Variants in ATG16L1 observed in about 807,000 individuals in gnomAD.
ATG16L1 encodes autophagy related 16 like 1.
Under a neutral mutation model 88.5 loss-of-function variants are expected in ATG16L1, and 37 were observed. The observed-to-expected ratio is 0.42, with a 90% CI of 0.32 to 0.55. The LOEUF is 0.55. ATG16L1 is among the 20% of genes least tolerant of loss of function. The pLI, the probability that ATG16L1 is intolerant of heterozygous loss-of-function variation, is 0.13. For synonymous variants in ATG16L1, 301 were observed against 281.0 expected (o/e 1.07, Z -0.71); for missense variants, 554 against 752.8 (o/e 0.74, Z 3.09).
intron 1 of ATG16L1, among the ~76,000 whole-genome samples, chr2:233,253,743 T>C (rs182013009): frequency 1.5e-4 from 23 of 152,282 alleles, no homozygotes; most frequent in Admixed American, 1.5e-3. Flanking sequence ...ACTGCACCCA[T>C]TGTTTTAACA....
rs1034020701 is a variant in ATG16L1, at chr2:233,264,872, C to T, written c.390-20C>T. On this transcript the variant is annotated intron_variant, in intron 4 of 17. Coordinates refer to ENST00000392017, the MANE Select transcript of ATG16L1 (RefSeq NM_030803.7). ...GGGCTCTGGCGAGGTACTATTCGTC[C>T]TCTGATGTCATGCTTCCAGAATTGC... 2 of 1,613,172 alleles carry T rather than the reference C, an allele frequency of 1.2e-6. No homozygotes were observed. Among genetic ancestry groups the T allele is most frequent in the Non-Finnish European group, 1.7e-6 (2 of 1,179,818 alleles).
At chr2:233,290,768 A>G (rs116150491) in intron 14 of ATG16L1, among the ~76,000 whole-genome samples, 3 of 152,160 alleles carry the variant, frequency 2.0e-5, no homozygotes, top group Non-Finnish European at 2.9e-5. Context: ...CAGGAAAGCC[A>G]CTCAAACTTT....
intron 12 of ATG16L1, among the ~76,000 whole-genome samples, chr2:233,286,157 G>T (rs1470241827): frequency 6.6e-6 from 1 of 152,116 alleles, no homozygotes; most frequent in Non-Finnish European, 1.5e-5. Flanking sequence ...GCATTCTTCT[G>T]GAATCGGCTG....
intron 14 of ATG16L1, 30 bp downstream of exon 14, chr2:233,290,383 A>T: frequency 2.0e-6 from 3 of 1,517,362 alleles, no homozygotes; most frequent in African/African-American, 1.4e-5. Context: ...GACTGGAGGC[A>T]CATAAGAGTC....
chr2:233,267,363 A>G (rs1697676150), intron 5 of ATG16L1, among the ~76,000 whole-genome samples: 1 of 152,188 alleles, frequency 6.6e-6, no homozygotes. Flanking sequence ...GCAAAACGAA[A>G]AGAATACTTA....
At chr2:233,273,093 G>T in intron 7 of ATG16L1, 41 bp downstream of exon 7, 1 of 1,519,432 alleles carries the variant, frequency 6.6e-7, no homozygotes, top group South Asian at 1.1e-5. Flanking sequence ...ACAGCTTGAG[G>T]AGCAATATGA....
intron 1 of ATG16L1, 29 bp downstream of exon 1, chr2:233,251,971 G>C (rs1559370393): frequency 2.0e-6 from 3 of 1,497,580 alleles, no homozygotes; most frequent in African/African-American, 1.4e-5. Context: ...GGCTGGGAGT[G>C]GGGCGGGCGG....
At chr2:233,275,888 T>C (rs552287165) in intron 9 of ATG16L1, 1 of 519,246 alleles carries the variant, frequency 1.9e-6, no homozygotes, top group Non-Finnish European at 3.8e-6. Flanking sequence ...TGTGTGTTTC[T>C]GAGAGTGATC....
chr2:233,293,385 G>T, intron 17 of ATG16L1, 28 bp downstream of exon 17: 1 of 1,594,708 alleles, frequency 6.3e-7, no homozygotes, highest in Non-Finnish European at 8.6e-7. Flanking sequence ...TCAGCCCCCC[G>T]TTGCGTTGTG....
chr2:233,277,603 C>G lies in ATG16L1; in HGVS notation c.990C>G (p.Phe330Leu). Residue 330 changes from phenylalanine (F) to leucine (L), a missense_variant, in exon 10 of 18, where the codon TTC (phenylalanine) becomes TTG (leucine). Phe to Leu is a conservative substitution (Grantham distance 22). Coordinates refer to ENST00000392017, the MANE Select transcript of ATG16L1 (RefSeq NM_030803.7). ...AHDGEVNAVQ[F>L]SPGSRLLATG... ...ATGGGGAAGTCAACGCTGTGCAGTT[C>G]AGTCCAGGTTCCCGGTTACTGGCCA... 1 of 1,614,114 alleles carries G rather than the reference C, an allele frequency of 6.2e-7. No individual in the cohort carries two copies. The highest frequency in any genetic ancestry group is 8.5e-7 in the Non-Finnish European group (1 of 1,179,978).
At chr2:233,284,651 G>C (rs990340820) in intron 12 of ATG16L1, among the ~76,000 whole-genome samples, 3 of 151,966 alleles carry the variant, frequency 2.0e-5, no homozygotes, top group African/African-American at 7.3e-5. Context: ...TATTTTTTTA[G>C]TAGAGACGGG....
intron 17 of ATG16L1, 120 bp downstream of exon 17, chr2:233,293,477 T>C: frequency 1.1e-6 from 1 of 898,726 alleles, no homozygotes. Context: ...GCCCACCTGC[T>C]CGGCTGGCTG....
chr2:233,255,602 ACT>A (rs1211856842), intron 1 of ATG16L1, among the ~76,000 whole-genome samples: 1 of 151,952 alleles, frequency 6.6e-6, no homozygotes, highest in African/African-American at 2.4e-5. Context: ...TTACCAAAAG[ACT>A]CTGTTATTCC....
At chr2:233,258,010 A>T (rs1413782920) in intron 2 of ATG16L1, among the ~76,000 whole-genome samples, 1 of 121,160 alleles carries the variant, frequency 8.3e-6, no homozygotes, top group Non-Finnish European at 1.8e-5. Context: ...TCAAAAAAAA[A>T]AAAAAAATAT....
intron 10 of ATG16L1, 73 bp downstream of exon 10, chr2:233,277,746 G>T (rs1698471502): frequency 7.4e-7 from 1 of 1,360,260 alleles, no homozygotes; most frequent in East Asian, 2.3e-5. Flanking sequence ...AAGAAGCTGT[G>T]TTGCTGGCAT....
chr2:233,290,124 T>C, intron 13 of ATG16L1, 124 bp from the exon 14 acceptor site: 1 of 1,509,420 alleles, frequency 6.6e-7, no homozygotes, highest in Admixed American at 1.8e-5. Context: ...AGTGATAGTT[T>C]TTCTTGTTTA....
chr2:233,259,559 A>C (rs1261993034), intron 2 of ATG16L1, among the ~76,000 whole-genome samples: 1 of 152,156 alleles, frequency 6.6e-6, no homozygotes, highest in Non-Finnish European at 1.5e-5. Flanking sequence ...TGCTAGTGGG[A>C]GTTTGGAACT....
At chr2:233,272,904 C>A in intron 6 of ATG16L1, 62 bp from the exon 7 acceptor site, 2 of 1,423,252 alleles carry the variant, frequency 1.4e-6, no homozygotes, top group Non-Finnish European at 2.0e-6. Flanking sequence ...TTAGCATTTG[C>A]GGAACCGATT....
chr2:233,282,005 C>A (rs1439860317), intron 11 of ATG16L1, among the ~76,000 whole-genome samples: 2 of 152,134 alleles, frequency 1.3e-5, no homozygotes, highest in Non-Finnish European at 2.9e-5. Flanking sequence ...CTATTAGGTT[C>A]TAAATAACCA....
Sources: allele counts gnomAD v4.1 joint callset (sites outside exome capture counted in the v4.1 genomes callset), GRCh38; gene constraint gnomAD v4.1.1; transcripts MANE v1.5; gene names NCBI Gene and HGNC (gene_info 2026-07-23, HGNC 2026-07-21).